Variants in DENND5B observed in about 807,000 individuals in gnomAD.
The protein encoded by DENND5B is DENN domain-containing protein 5B.
DENND5B carries 34 observed loss-of-function variants against 140.6 expected under a neutral mutation model. The observed-to-expected ratio is 0.24, with a 90% CI of 0.18 to 0.32. The LOEUF is 0.32. Among genes scored for constraint, DENND5B ranks in the 10% least tolerant of loss-of-function variants. The pLI, the probability that DENND5B is intolerant of heterozygous loss-of-function variation, is 1.00. For missense variants in DENND5B, 1,142 were observed against 1,560.2 expected (o/e 0.73, Z 4.52); for synonymous variants, 551 against 562.1 (o/e 0.98, Z 0.28).
intron 1 of DENND5B, among the ~76,000 whole-genome samples, chr12:31,559,678 T>G (rs1949407992): frequency 6.6e-6 from 1 of 152,138 alleles, no homozygotes; most frequent in South Asian, 2.1e-4. Context: ...ACTTGAAGTT[T>G]AATCATGGAT....
At position 31,551,344 on chromosome 12, in the gene DENND5B, C is replaced by T. The variant is rs966545937; in HGVS notation, c.127+39362G>A. Among the ~76,000 whole-genome samples the T allele has an allele frequency of 6.6e-5, 10 of 152,162 alleles. No individual in the cohort carries two copies. The East Asian group carries it at 1.7e-3, about 26-fold the overall frequency. On this transcript the variant is annotated intron_variant, in intron 1 of 20. Transcript: ENST00000389082. ...AATCCTTTCCCCATTGCTTGTTTTT[C>T]TCAGGTTTGTCAAAGATCAGATAGT... is the stretch of plus-strand genomic sequence containing the variant.
chr12:31,486,038 T>C (rs920825146), intron 2 of DENND5B, among the ~76,000 whole-genome samples: 2 of 152,218 alleles, frequency 1.3e-5, no homozygotes, highest in Non-Finnish European at 2.9e-5. Context: ...AAGTAATGAT[T>C]TTGTTGCTTT....
intron 14 of DENND5B, among the ~76,000 whole-genome samples, chr12:31,408,484 G>A (rs1235788390): frequency 2.6e-5 from 4 of 151,438 alleles, no homozygotes; most frequent in Non-Finnish European, 4.4e-5. Flanking sequence ...AAAATTAGCC[G>A]GGTGTGGTGG....
chr12:31,585,212 A>G (rs1023467445), intron 1 of DENND5B, among the ~76,000 whole-genome samples: 1 of 152,202 alleles, frequency 6.6e-6, no homozygotes, highest in African/African-American at 2.4e-5. Context: ...ACTAGCACAC[A>G]GCAACCAGAT....
At chr12:31,402,352 T>C (rs922035829) in intron 15 of DENND5B, 146 bp downstream of exon 15, 24 of 996,422 alleles carry the variant, frequency 2.4e-5, no homozygotes, top group Admixed American at 5.9e-5. Context: ...AAGACAACTT[T>C]AGACATATAA....
chr12:31,453,067 C>T (rs1295331141), intron 4 of DENND5B, among the ~76,000 whole-genome samples: 2 of 152,098 alleles, frequency 1.3e-5, no homozygotes, highest in Non-Finnish European at 2.9e-5. Context: ...TAGTATCTCC[C>T]AATAGGATGA....
At position 31,479,709 on chromosome 12, in the gene DENND5B, T is replaced by G; in HGVS notation, c.784A>C (p.Ser262Arg). ...EPVICQRPGPSELPLSDYPLR... is the reference protein window; with the variant it reads ...EPVICQRPGPRELPLSDYPLR... ...GGGTAATCAGAGAGGGGGAGTTCAC[T>G]GGGCCCAGGCCTCTGGCAGATGACA... Residue 262 changes from serine to arginine, a missense_variant, in exon 3 of 21, where the codon AGT (serine) becomes CGT (arginine). Physicochemically the swap from Ser to Arg is moderately radical, Grantham distance 110. This residue lies in a region of DENND5B where 708 missense variants were observed against 905.5 expected (regional missense o/e 0.78). Coordinates refer to ENST00000389082, the MANE Select transcript of DENND5B (RefSeq NM_144973.4). 1 of 1,596,752 alleles carries G rather than the reference T, an allele frequency of 6.3e-7. No individual in the cohort carries two copies.
intron 1 of DENND5B, among the ~76,000 whole-genome samples, chr12:31,517,464 G>C (rs1947703481): frequency 6.6e-6 from 1 of 152,160 alleles, no homozygotes; most frequent in Non-Finnish European, 1.5e-5. Context: ...CTGAGGTGAA[G>C]GGCAGTGAAA....
intron 15 of DENND5B, among the ~76,000 whole-genome samples, chr12:31,400,075 G>A (rs937949542): frequency 2.0e-5 from 3 of 152,160 alleles, no homozygotes; most frequent in African/African-American, 7.2e-5. Context: ...TCTACTTGGG[G>A]AACCCACAAA....
At chr12:31,560,686 T>C (rs181138646) in intron 1 of DENND5B, among the ~76,000 whole-genome samples, 1 of 152,312 alleles carries the variant, frequency 6.6e-6, no homozygotes, top group African/African-American at 2.4e-5. Flanking sequence ...TTCAACAACA[T>C]AAGGCCCTTC....
intron 2 of DENND5B, among the ~76,000 whole-genome samples, chr12:31,486,621 C>T (rs1323090741): frequency 6.6e-6 from 1 of 152,202 alleles, no homozygotes; most frequent in Non-Finnish European, 1.5e-5. Flanking sequence ...CACAATACCT[C>T]AACTACTTAT....
chr12:31,533,199 CCA>C (rs1431915326), intron 1 of DENND5B, among the ~76,000 whole-genome samples: 1 of 152,028 alleles, frequency 6.6e-6, no homozygotes, highest in Admixed American at 6.6e-5. Flanking sequence ...CTCTCCAAAT[CCA>C]CAGTTCTGCA....
At chr12:31,587,203 C>G (rs1275898388) in intron 1 of DENND5B, among the ~76,000 whole-genome samples, 1 of 152,112 alleles carries the variant, frequency 6.6e-6, no homozygotes, top group African/African-American at 2.4e-5. Context: ...AGATCTTCCC[C>G]CAAGAGATGT....
chr12:31,574,295 A>AATAATAATAATAATTATT (rs374578025), intron 1 of DENND5B, among the ~76,000 whole-genome samples: 179 of 144,586 alleles, frequency 1.2e-3, no homozygotes, highest in South Asian at 2.9e-3. Flanking sequence ...TAATAATAAT[A>AATAATAATAATAATTATT]ATTTAAAAGG....
rs1940833154 is a variant in DENND5B, at chr12:31,385,900, T to A, written c.*1703A>T. 1 of 152,252 alleles carries A rather than the reference T, an allele frequency of 6.6e-6. No homozygotes were observed. The highest frequency in any genetic ancestry group is 2.4e-5 in the African/African-American group (1 of 41,418). 9.4% of individuals were successfully genotyped at this position (152,252 alleles called of 1,614,324 possible). A position where few individuals can be genotyped will look rare whatever the true frequency, so the allele number is the denominator to read the frequency against. ...ACGGTGTTAGCCAGGAGGGTCTCAA[T>A]CTCCTGACCTTGTGATCCGCCTGCC... On this transcript the variant is annotated 3_prime_UTR_variant, in exon 21 of 21. Coordinates refer to ENST00000389082, the MANE Select transcript of DENND5B (RefSeq NM_144973.4).
intron 7 of DENND5B, among the ~76,000 whole-genome samples, chr12:31,440,449 A>G (rs1050162041): frequency 6.6e-6 from 1 of 152,212 alleles, no homozygotes; most frequent in Admixed American, 6.5e-5. Context: ...AATTTCAGTC[A>G]TTAGTTATTT....
At position 31,424,700 on chromosome 12, in the gene DENND5B, C is replaced by T. The variant is rs1301648927; in HGVS notation, c.2239-13G>A. On this transcript the variant is annotated splice_polypyrimidine_tract_variant and intron_variant, in intron 9 of 20. Transcript: ENST00000389082. ...ACATGCGCTTTGTCTAAGAATATCA[C>T]GTGTAGTCATAAGGCACCCCAGCAG... The T allele has an allele frequency of 3.1e-6, 5 of 1,613,310 alleles. No homozygotes were observed. In the South Asian group the frequency reaches 3.3e-5, roughly 11 times the overall value.
Position 31,472,457 on chromosome 12 carries a change from A to G in DENND5B, c.904+7132T>C, listed in dbSNP as rs144578419. Among the ~76,000 whole-genome samples the G allele has an allele frequency of 9.6e-3, 1,456 of 152,080 alleles. 26 individuals are homozygous for G. Among genetic ancestry groups the G allele is most frequent in the African/African-American group, 0.033 (1,377 of 41,484 alleles). On this transcript the variant is annotated intron_variant, in intron 3 of 20. Coordinates refer to ENST00000389082, the MANE Select transcript of DENND5B (RefSeq NM_144973.4). ...CAGGGGCACACCACCATGCCTGCCT[A>G]ATTTTTGTATTTTCAGTAGAGACAG...
intron 2 of DENND5B, among the ~76,000 whole-genome samples, chr12:31,487,558 C>T (rs1030033655): frequency 9.2e-5 from 14 of 151,886 alleles, no homozygotes; most frequent in Admixed American, 7.2e-4. Flanking sequence ...AAAAATTAGC[C>T]GGGCGTGGTG....
Sources: gnomAD v4.1 joint callset for allele counts (sites outside exome capture counted in the v4.1 genomes callset) on GRCh38, gnomAD v4.1.1 for gene constraint, gnomAD v4.1.1 regional missense constraint, MANE v1.5 for transcripts, NCBI Gene and HGNC (gene_info 2026-07-23, HGNC 2026-07-21) for gene names.